CFAP20DC: variants seen among roughly 807,000 people sequenced by gnomAD.
CFAP20DC encodes protein CFAP20DC.
Under a neutral mutation model 101.7 loss-of-function variants are expected in CFAP20DC, and 84 were observed. The observed-to-expected ratio is 0.83, with a 90% CI of 0.69 to 0.99. The LOEUF (loss-of-function observed/expected upper bound fraction) is 0.99. Among genes scored for constraint, CFAP20DC ranks in the 50% least tolerant of loss-of-function variants. The probability of loss-of-function intolerance (pLI) is 0.00; values close to 1 mark genes in which losing one functional copy is unlikely to be tolerated. For missense variants in CFAP20DC, 1,007 were observed against 970.3 expected, an observed-to-expected ratio of 1.04 and a Z score of -0.50; for synonymous variants, 359 against 351.2, an observed-to-expected ratio of 1.02 and a Z score of -0.25.
rs1401882842 is a variant in CFAP20DC, at chr3:59,049,940, G to A, written c.-309C>T. On this transcript the variant is annotated 5_prime_UTR_variant, in exon 1 of 17. Transcript: ENST00000482387. The stretch of plus-strand genomic sequence containing the variant: ...TGATTGTGTGTGTAACCTACGTGAC[G>A]GGGCGCCCAGTCGCGGAGCCACAGA... 1.2e-5 allele frequency: 4 copies of A among 343,272 alleles called. No individual in the cohort carries two copies. Among genetic ancestry groups the A allele is most frequent in the African/African-American group, 4.3e-5 (2 of 47,014 alleles). The allele number at this position is 343,272 out of a possible 1,614,324, so 21.3% of individuals were successfully genotyped here.
chr3:58,871,748 G>A (rs1021940062), intron 7 of CFAP20DC, among the ~76,000 whole-genome samples: 12 of 152,072 alleles, frequency 7.9e-5, no homozygotes, highest in African/African-American at 2.4e-4. Context: ...GGCTGGTCTC[G>A]AACTCCTGAC....
chr3:58,780,473 G>A (rs978849978), intron 15 of CFAP20DC, among the ~76,000 whole-genome samples: 11 of 151,808 alleles, frequency 7.2e-5, no homozygotes, highest in Admixed American at 2.6e-4. Context: ...ATGAATTAAT[G>A]TTTCCATTTA....
chr3:59,041,658 A>G (rs1161611389), intron 3 of CFAP20DC, among the ~76,000 whole-genome samples: 1 of 152,160 alleles, frequency 6.6e-6, no homozygotes, highest in East Asian at 1.9e-4. Flanking sequence ...TCTTCCTGAA[A>G]TATGCAGCTT....
intron 5 of CFAP20DC, among the ~76,000 whole-genome samples, chr3:58,925,779 G>A (rs560149317): frequency 6.6e-6 from 1 of 152,206 alleles, no homozygotes; most frequent in South Asian, 2.1e-4. Context: ...TTTGCTCAAG[G>A]GCCTATAGTC....
At chr3:59,028,561 A>C (rs1309897172) in intron 4 of CFAP20DC, among the ~76,000 whole-genome samples, 1 of 152,226 alleles carries the variant, frequency 6.6e-6, no homozygotes, top group Admixed American at 6.5e-5. Context: ...ATGTATAGTC[A>C]AATAGAAAAA....
intron 4 of CFAP20DC, among the ~76,000 whole-genome samples, chr3:58,989,252 T>C (rs2092853660): frequency 6.6e-6 from 1 of 152,142 alleles, no homozygotes; most frequent in Non-Finnish European, 1.5e-5. Flanking sequence ...CATTCTATCA[T>C]TGGCTCTAGA....
chr3:58,972,918 C>A (rs2092033931), intron 4 of CFAP20DC, among the ~76,000 whole-genome samples: 1 of 152,142 alleles, frequency 6.6e-6, no homozygotes, highest in South Asian at 2.1e-4. Context: ...ATACAGTACA[C>A]AGCATTTTCA....
chr3:58,744,297 G>A (rs1341103311), intron 16 of CFAP20DC, among the ~76,000 whole-genome samples: 5 of 152,046 alleles, frequency 3.3e-5, no homozygotes, highest in Non-Finnish European at 4.4e-5. Flanking sequence ...GCAGAGCTGG[G>A]GACACTCTCA....
intron 15 of CFAP20DC, among the ~76,000 whole-genome samples, chr3:58,764,595 AC>A (rs1229648904): frequency 9.9e-5 from 15 of 151,930 alleles, no homozygotes; most frequent in African/African-American, 2.4e-5. Context: ...TGCAGAAATC[AC>A]CCGTCTTCTG....
chr3:58,869,621 G>A lies in CFAP20DC; in HGVS notation c.853-131C>T, dbSNP rs775631637. 1 of 617,716 alleles carries A rather than the reference G, an allele frequency of 1.6e-6. No individual in the cohort carries two copies. The allele number at this position is 617,716 out of a possible 1,614,324, so 38.3% of individuals were successfully genotyped here. ...AAACTAGAGGAAATGAGGTTAAGAT[G>A]TGAAGAAAAAGGAAATTATTATAGG... is the stretch of plus-strand genomic sequence containing the variant. On this transcript the variant is annotated intron_variant, in intron 8 of 16. Transcript: ENST00000482387. The surrounding 1 kb of genome is among the most constrained non-coding windows in gnomAD (Gnocchi z 4.3).
At chr3:58,969,788 C>T (rs1164773650) in intron 4 of CFAP20DC, among the ~76,000 whole-genome samples, 2 of 152,050 alleles carry the variant, frequency 1.3e-5, no homozygotes, top group Non-Finnish European at 2.9e-5. Flanking sequence ...CAAAAGACCA[C>T]ATATAGTATG....
chr3:58,969,868 G>A (rs1410222526), intron 4 of CFAP20DC, among the ~76,000 whole-genome samples: 1 of 152,150 alleles, frequency 6.6e-6, no homozygotes, highest in Admixed American at 6.6e-5. Context: ...AAGGGTAGCA[G>A]GGAGTGGAGA....
Position 58,938,887 on chromosome 3 carries a change from A to G in CFAP20DC, c.279-1125T>C, listed in dbSNP as rs527467797. ...CACCCTACTTGCACTAAATGATATC[A>G]TAAATTCATTTAAAATACAACGTCT... On this transcript the variant is annotated intron_variant, in intron 4 of 16. Coordinates refer to ENST00000482387, the MANE Select transcript of CFAP20DC (RefSeq NM_001394063.1). Among the ~76,000 whole-genome samples, 266 of 152,360 alleles carry G rather than the reference A, an allele frequency of 1.7e-3. 1 individual carries two copies. The highest frequency in any genetic ancestry group is 3.3e-3 in the Non-Finnish European group (226 of 68,036).
At chr3:58,987,204 T>C (rs888816677) in intron 4 of CFAP20DC, among the ~76,000 whole-genome samples, 7 of 152,080 alleles carry the variant, frequency 4.6e-5, no homozygotes, top group Admixed American at 1.3e-4. Context: ...GTAAGATGTT[T>C]GTGTTATAAG....
chr3:58,944,515 C>T (rs1050552626), intron 4 of CFAP20DC, among the ~76,000 whole-genome samples: 2 of 152,170 alleles, frequency 1.3e-5, no homozygotes, highest in Non-Finnish European at 2.9e-5. Context: ...ATGCCGACTA[C>T]TATTCCAGGC....
Position 58,813,743 on chromosome 3 carries a change from A to G in CFAP20DC, c.2176-7287T>C, listed in dbSNP as rs76578630. On this transcript the variant is annotated intron_variant, in intron 14 of 16. Coordinates refer to ENST00000482387, the MANE Select transcript of CFAP20DC (RefSeq NM_001394063.1). ...CCCCATCTGATAATCACAGTCACTT[A>G]GCCTGACTACCTGTTATGCACCATG... is the stretch of plus-strand genomic sequence containing the variant. Among the ~76,000 whole-genome samples, 837 of 152,054 alleles carry G rather than the reference A, an allele frequency of 5.5e-3. 8 individuals carry two copies. The highest frequency in any genetic ancestry group is 8.2e-3 in the Non-Finnish European group (559 of 68,034).
chr3:58,944,589 C>T lies in CFAP20DC; in HGVS notation c.279-6827G>A, dbSNP rs115499421. Among the ~76,000 whole-genome samples the T allele has an allele frequency of 5.3e-4, 80 of 152,178 alleles. 1 individual carries two copies. The highest frequency in any genetic ancestry group is 1.9e-3 in the African/African-American group (79 of 41,482). On this transcript the variant is annotated intron_variant, in intron 4 of 16. Transcript: ENST00000482387. The stretch of plus-strand genomic sequence containing the variant: ...AGTATAGACATCGTGCTAAGTGCTC[C>T]GAATACAGCAGTACCAAGGATTCCC...
intron 14 of CFAP20DC, among the ~76,000 whole-genome samples, chr3:58,816,323 G>A (rs1004252503): frequency 6.6e-6 from 1 of 152,168 alleles, no homozygotes; most frequent in African/African-American, 2.4e-5. Context: ...CTGGTCTACA[G>A]CTCCCAGAGT....
At chr3:58,836,397 G>C (rs1302788778) in intron 13 of CFAP20DC, among the ~76,000 whole-genome samples, 1 of 152,084 alleles carries the variant, frequency 6.6e-6, no homozygotes. Flanking sequence ...TAAGCTGCTA[G>C]GACAGAATAG....
Sources: gnomAD v4.1 joint callset for allele counts (sites outside exome capture counted in the v4.1 genomes callset) on GRCh38, gnomAD v4.1.1 for gene constraint, Gnocchi (gnomAD v3.1) non-coding constraint, MANE v1.5 for transcripts, NCBI Gene and HGNC (gene_info 2026-07-23, HGNC 2026-07-21) for gene names.